SPON1: variants seen among roughly 807,000 people sequenced by gnomAD.
SPON1 encodes the protein spondin 1.
Under a neutral mutation model 111.7 loss-of-function variants are expected in SPON1, and 52 were observed. The ratio of observed to expected loss-of-function variants is 0.47; its 90% CI spans 0.37 to 0.59. The LOEUF (loss-of-function observed/expected upper bound fraction) is 0.59. SPON1 is among the 20% of genes least tolerant of loss of function. The pLI, the probability that SPON1 is intolerant of heterozygous loss-of-function variation, is 0.00. For missense variants in SPON1, 957 were observed against 1,068.5 expected, an observed-to-expected ratio of 0.90 and a Z score of 1.46; for synonymous variants, 410 against 395.8, an observed-to-expected ratio of 1.04 and a Z score of -0.43.
chr11:14,075,997 AG>A (rs1192532932), intron 4 of SPON1, among the ~76,000 whole-genome samples: 1 of 152,196 alleles, frequency 6.6e-6, no homozygotes, highest in Admixed American at 6.5e-5. Flanking sequence ...CGGGGGATAA[AG>A]CAGAGACCTG....
intron 3 of SPON1, among the ~76,000 whole-genome samples, chr11:14,064,605 C>A (rs929050775): frequency 1.3e-5 from 2 of 152,048 alleles, no homozygotes; most frequent in Non-Finnish European, 2.9e-5. Context: ...GAGAGAGGAG[C>A]CTTTGTTTAG....
At chr11:14,229,909 G>A (rs1848777659) in intron 6 of SPON1, among the ~76,000 whole-genome samples, 1 of 151,850 alleles carries the variant, frequency 6.6e-6, no homozygotes, top group South Asian at 2.1e-4. Flanking sequence ...CTGGAAGAGA[G>A]GCCAGCCTGT....
At position 14,262,890 on chromosome 11, in the gene SPON1, C is replaced by T; in HGVS notation, c.2175C>T (p.Ser725=). 1.2e-6 allele frequency: 2 copies of T among 1,613,818 alleles called. No homozygotes were observed. The highest frequency in any genetic ancestry group is 1.7e-6 in the Non-Finnish European group (2 of 1,179,884). Residue 725 remains serine, a synonymous_variant, in exon 15 of 16, where the codon TCC becomes TCT. Transcript: ENST00000576479. Reference sequence around the variant, plus strand: ...TCCGAAAATGCCTTCGAAATCCATCCATCCAAAAGCTACGCTGGAGGGAGG... The same window carrying T: ...TCCGAAAATGCCTTCGAAATCCATCTATCCAAAAGCTACGCTGGAGGGAGG... ...CRIRKCLRNP[S]IQKLRWREAR... is the part of the protein sequence containing the mutation.
intron 3 of SPON1, among the ~76,000 whole-genome samples, chr11:14,052,505 T>G (rs1203295505): frequency 1.3e-5 from 2 of 152,122 alleles, no homozygotes; most frequent in Non-Finnish European, 2.9e-5. Context: ...GCCTAGAACC[T>G]CAGGAACCCT....
chr11:13,997,643 G>A (rs906232290), intron 2 of SPON1, among the ~76,000 whole-genome samples: 3 of 152,198 alleles, frequency 2.0e-5, no homozygotes, highest in Non-Finnish European at 4.4e-5. Context: ...TCTTGTCAAA[G>A]GTGTAACTAC....
At chr11:14,127,701 C>T (rs898587528) in intron 5 of SPON1, among the ~76,000 whole-genome samples, 3 of 152,180 alleles carry the variant, frequency 2.0e-5, no homozygotes, top group African/African-American at 7.2e-5. Flanking sequence ...AGGTCGAGAC[C>T]TTGGCATTGT....
At position 14,160,925 on chromosome 11, in the gene SPON1, TTATATATTTA is replaced by T. The variant is rs1484627870; in HGVS notation, c.825+25365_825+25374del. 2.3e-3 allele frequency among the ~76,000 whole-genome samples: 68 copies of T among 29,728 alleles called. 2 individuals carry two copies. The highest frequency in any genetic ancestry group is 6.9e-3 in the South Asian group (5 of 724). The allele number at this position is 29,728 out of a possible 152,430, so 19.5% of individuals were successfully genotyped here. A position where few individuals can be genotyped will look rare whatever the true frequency, so the allele number is the denominator to read the frequency against. ...TATATTTATATATATATTTATATAT[TTATATATTTA>T]TATATATATTTATATATTTATATAT... On this transcript the variant is annotated intron_variant, in intron 6 of 15. Transcript: ENST00000576479.
intron 3 of SPON1, among the ~76,000 whole-genome samples, chr11:14,050,778 C>T (rs1287978127): frequency 2.0e-5 from 3 of 152,216 alleles, no homozygotes; most frequent in Admixed American, 6.5e-5. Context: ...TGTCTCAGAA[C>T]AGTGTGCCCA....
intron 6 of SPON1, among the ~76,000 whole-genome samples, chr11:14,158,854 A>G: frequency 6.6e-6 from 1 of 152,102 alleles, no homozygotes; most frequent in East Asian, 1.9e-4. Context: ...CCTACATGCA[A>G]GTCTTTCTCT....
At chr11:14,042,572 G>C (rs1848640053) in intron 3 of SPON1, among the ~76,000 whole-genome samples, 1 of 152,108 alleles carries the variant, frequency 6.6e-6, no homozygotes, top group Non-Finnish European at 1.5e-5. Flanking sequence ...TAGATGGAGA[G>C]GGTTCCAGTC....
At chr11:14,158,553 G>A (rs1266749958) in intron 6 of SPON1, among the ~76,000 whole-genome samples, 1 of 152,126 alleles carries the variant, frequency 6.6e-6, no homozygotes, top group Non-Finnish European at 1.5e-5. Context: ...GCTGTACTCA[G>A]CTTCTCAGCC....
chr11:14,174,067 C>T (rs1554932827), intron 6 of SPON1, among the ~76,000 whole-genome samples: 2 of 152,076 alleles, frequency 1.3e-5, no homozygotes, highest in Non-Finnish European at 2.9e-5. Flanking sequence ...ATTTCTAGGG[C>T]CAAATAAGCA....
At chr11:14,230,200 G>A (rs1848783335) in intron 6 of SPON1, among the ~76,000 whole-genome samples, 1 of 152,138 alleles carries the variant, frequency 6.6e-6, no homozygotes, top group Admixed American at 6.5e-5. Flanking sequence ...TGATACTAAT[G>A]TGCTGAACAC....
chr11:13,973,751 T>C (rs1459802915), intron 1 of SPON1, among the ~76,000 whole-genome samples: 2 of 152,230 alleles, frequency 1.3e-5, no homozygotes, highest in Non-Finnish European at 2.9e-5. Flanking sequence ...GTAAATACTA[T>C]TAAATATTAC....
Position 14,257,884 on chromosome 11 carries a change from G to A in SPON1, c.1478G>A (p.Gly493Asp). 1 of 1,557,652 alleles carries A rather than the reference G, an allele frequency of 6.4e-7. No individual in the cohort carries two copies. The stretch of plus-strand genomic sequence containing the variant: ...GACTTCCAGCCCTGCATGGGCCCTG[G>A]CTGCAGTGACGAAGGTGAGGAGACA... Reference protein sequence around the residue: ...TQDFQPCMGPGCSDEDGSTCT... With the variant: ...TQDFQPCMGPDCSDEDGSTCT... The change falls in exon 11 of 16, where the codon GGC becomes GAC. Residue 493 changes from glycine to aspartate, a missense_variant. Physicochemically the swap from Gly to Asp is moderately conservative, Grantham distance 94. This residue lies in a region of SPON1 where 549 missense variants were observed against 606.2 expected (regional missense o/e 0.91). Coordinates refer to ENST00000576479, the MANE Select transcript of SPON1 (RefSeq NM_006108.4).
intron 2 of SPON1, among the ~76,000 whole-genome samples, chr11:14,018,161 T>C (rs1469767283): frequency 1.3e-4 from 20 of 152,200 alleles, no homozygotes; most frequent in African/African-American, 4.1e-4. Flanking sequence ...AAATGTAAGA[T>C]ATATTTCAAT....
intron 4 of SPON1, among the ~76,000 whole-genome samples, chr11:14,077,791 A>G (rs1207520762): frequency 6.6e-6 from 1 of 151,876 alleles, no homozygotes; most frequent in Non-Finnish European, 1.5e-5. Context: ...GGCCCTGCAT[A>G]CACATACTTT....
intron 1 of SPON1, among the ~76,000 whole-genome samples, chr11:13,967,795 G>A (rs371114474): frequency 2.2e-3 from 337 of 151,882 alleles, no homozygotes; most frequent in African/African-American, 7.7e-3. Flanking sequence ...CTGCTTTTTT[G>A]TTATGTAACT....
chr11:14,069,993 A>G (rs1206685577), intron 3 of SPON1, among the ~76,000 whole-genome samples: 1 of 152,174 alleles, frequency 6.6e-6, no homozygotes, highest in African/African-American at 2.4e-5. Context: ...CTAAAGCCAT[A>G]TACAAGATTG....
Sources: gnomAD v4.1 joint callset for allele counts (sites outside exome capture counted in the v4.1 genomes callset) on GRCh38, gnomAD v4.1.1 for gene constraint, gnomAD v4.1.1 regional missense constraint, MANE v1.5 for transcripts, NCBI Gene and HGNC (gene_info 2026-07-23, HGNC 2026-07-21) for gene names.